GPHN: variants seen among roughly 807,000 people sequenced by gnomAD.
GPHN encodes the protein gephyrin.
In GPHN, 17 loss-of-function variants were observed where a neutral mutation model predicts 95.5. That is an observed-to-expected ratio of 0.18 (90% CI 0.12 to 0.27). The LOEUF is 0.27. GPHN is among the 10% of genes least tolerant of loss of function. The probability of loss-of-function intolerance (pLI) is 1.00; values close to 1 mark genes in which losing one functional copy is unlikely to be tolerated. For synonymous variants in GPHN, 320 were observed against 322.5 expected, an observed-to-expected ratio of 0.99 and a Z score of 0.08; for missense variants, 660 against 978.1, an observed-to-expected ratio of 0.67 and a Z score of 4.34.
At chr14:67,288,902 A>G in the GPHN span, among the ~76,000 whole-genome samples, 1 of 151,960 alleles carries the variant, frequency 6.6e-6, no homozygotes, top group East Asian at 1.9e-4. Context: ...ACTACTGATG[A>G]ACGCACATAT....
chr14:67,198,276 G>A, the GPHN span: 2 of 1,613,850 alleles, frequency 1.2e-6, no homozygotes, highest in Non-Finnish European at 1.7e-6. Context: ...AGGAGAGTAT[G>A]CCCCTTTTGT....
the GPHN span, among the ~76,000 whole-genome samples, chr14:67,721,477 C>T: frequency 1.3e-5 from 2 of 152,030 alleles, no homozygotes; most frequent in Non-Finnish European, 2.9e-5. Context: ...GAACTTCTGG[C>T]CTCAAGGGAT....
chr14:67,633,892 A>C, the GPHN span, among the ~76,000 whole-genome samples: 1 of 152,146 alleles, frequency 6.6e-6, no homozygotes, highest in Non-Finnish European at 1.5e-5. Context: ...GCTGCTTCTG[A>C]GAAGTTCTCC....
chr14:67,498,069 C>T, the GPHN span, among the ~76,000 whole-genome samples: 1 of 152,136 alleles, frequency 6.6e-6, no homozygotes, highest in Admixed American at 6.5e-5. Flanking sequence ...AGATCCAGAA[C>T]CGCCAAAGAG....
chr14:66,518,629 A>G (rs2058352755), intron 1 of GPHN, among the ~76,000 whole-genome samples: 1 of 152,186 alleles, frequency 6.6e-6, no homozygotes, highest in Non-Finnish European at 1.5e-5. Context: ...TATGGTATAT[A>G]TGCATAATGG....
At chr14:67,280,169 C>T in the GPHN span, among the ~76,000 whole-genome samples, 1 of 152,184 alleles carries the variant, frequency 6.6e-6, no homozygotes, top group African/African-American at 2.4e-5. Flanking sequence ...CGGGACTTCT[C>T]ATAGCTGTTA....
intron 18 of GPHN, among the ~76,000 whole-genome samples, chr14:67,148,557 G>GTTT (rs1297273978): frequency 0.011 from 1,326 of 124,610 alleles, 12 homozygotes; most frequent in Non-Finnish European, 0.015. Context: ...GACTTTATTT[G>GTTT]CTTTTTTTTT....
At chr14:67,707,096 A>G in the GPHN span, among the ~76,000 whole-genome samples, 6 of 152,294 alleles carry the variant, frequency 3.9e-5, no homozygotes, top group South Asian at 1.2e-3. Context: ...CTGAAGTTTA[A>G]GTTGTCTAGC....
At chr14:66,735,648 C>T (rs1193531028) in intron 2 of GPHN, among the ~76,000 whole-genome samples, 1 of 152,068 alleles carries the variant, frequency 6.6e-6, no homozygotes, top group Non-Finnish European at 1.5e-5. Context: ...TATTGAGACA[C>T]CCAGAGCACC....
At chr14:67,694,666 G>C in the GPHN span, among the ~76,000 whole-genome samples, 1 of 152,172 alleles carries the variant, frequency 6.6e-6, no homozygotes. Flanking sequence ...GAGAAACCAT[G>C]TGTGCCTAGA....
the GPHN span, among the ~76,000 whole-genome samples, chr14:67,451,128 A>G: frequency 6.6e-6 from 1 of 152,242 alleles, no homozygotes; most frequent in Non-Finnish European, 1.5e-5. Flanking sequence ...GTGAGTGCAC[A>G]GAAGTCAAGA....
intron 2 of GPHN, among the ~76,000 whole-genome samples, chr14:66,756,695 C>G (rs892990690): frequency 5.9e-5 from 9 of 152,096 alleles, no homozygotes. Context: ...CCTAGTTCTT[C>G]ATTAATTAAG....
the GPHN span, chr14:67,583,727 T>A: frequency 6.2e-7 from 1 of 1,604,794 alleles, no homozygotes; most frequent in Admixed American, 1.7e-5. Context: ...TCTCTTCATA[T>A]GCTTCTACCA....
intron 5 of GPHN, among the ~76,000 whole-genome samples, chr14:66,898,354 C>A (rs1260928336): frequency 6.7e-6 from 1 of 149,246 alleles, no homozygotes; most frequent in African/African-American, 2.5e-5. Flanking sequence ...ACCTTTAAAT[C>A]CATTTGAGTT....
chr14:66,923,827 A>G (rs2066341485), intron 7 of GPHN, among the ~76,000 whole-genome samples: 1 of 152,096 alleles, frequency 6.6e-6, no homozygotes, highest in South Asian at 2.1e-4. Context: ...GATTAGAATC[A>G]TCGAGAAATC....
At chr14:67,389,166 AACTTCAT>A in the GPHN span, among the ~76,000 whole-genome samples, 3 of 152,060 alleles carry the variant, frequency 2.0e-5, no homozygotes, top group Non-Finnish European at 4.4e-5. Context: ...ATCAATAATC[AACTTCAT>A]ACTGCATGTT....
chr14:67,494,282 G>A, the GPHN span, among the ~76,000 whole-genome samples: 1 of 152,184 alleles, frequency 6.6e-6, no homozygotes, highest in Non-Finnish European at 1.5e-5. Flanking sequence ...TTTTGACAAA[G>A]GATAAGAGGA....
the GPHN span, among the ~76,000 whole-genome samples, chr14:67,372,146 T>G: frequency 2.6e-5 from 4 of 152,136 alleles, no homozygotes; most frequent in Non-Finnish European, 4.4e-5. Context: ...ATTAAAAAAT[T>G]TATGTGTGCT....
chr14:66,805,640 A>G (rs1217494267), intron 3 of GPHN, among the ~76,000 whole-genome samples: 3 of 152,340 alleles, frequency 2.0e-5, no homozygotes, highest in South Asian at 4.1e-4. Flanking sequence ...AAGGGACTAC[A>G]GGCTCCATGC....
Sources: allele counts gnomAD v4.1 joint callset (sites outside exome capture counted in the v4.1 genomes callset), GRCh38; gene constraint gnomAD v4.1.1; transcripts MANE v1.5; gene names NCBI Gene and HGNC (gene_info 2026-07-23, HGNC 2026-07-21).